IL17D: variants seen among roughly 807,000 people sequenced by gnomAD.
IL17D encodes the protein interleukin 17D.
A neutral mutation model predicts 5.7 loss-of-function variants in IL17D; 10 were observed. That is an observed-to-expected ratio of 1.75 (90% CI 1.08 to 2.97). The LOEUF (loss-of-function observed/expected upper bound fraction) is 2.97, where lower values mean the gene tolerates loss of function less well. Among genes scored for constraint, IL17D ranks in the 30% most tolerant of loss-of-function variants. The pLI is 0.00. For synonymous variants in IL17D, 172 were observed against 141.7 expected (o/e 1.21, Z -1.52); for missense variants, 354 against 292.7 (o/e 1.21, Z -1.53).
intron 1 of IL17D, among the ~76,000 whole-genome samples, chr13:20,719,091 GCT>G (rs1222265293): frequency 7.8e-6 from 1 of 128,482 alleles, no homozygotes; most frequent in Non-Finnish European, 1.6e-5. Flanking sequence ...AACTACCCAT[GCT>G]CACACCTGCC....
chr13:20,706,517 C>T (rs750337556), intron 1 of IL17D, among the ~76,000 whole-genome samples: 19 of 152,226 alleles, frequency 1.2e-4, no homozygotes, highest in Non-Finnish European at 2.9e-5. Context: ...ATGTTTCTGG[C>T]TTGGGTTGTT....
chr13:20,720,219 C>CGGAGACTA (rs1445116824), intron 1 of IL17D, among the ~76,000 whole-genome samples: 1 of 152,182 alleles, frequency 6.6e-6, no homozygotes, highest in Non-Finnish European at 1.5e-5. Flanking sequence ...TTTGTTCTCC[C>CGGAGACTA]TCCATGTGCC....
intron 1 of IL17D, among the ~76,000 whole-genome samples, chr13:20,720,400 T>G (rs2058721887): frequency 6.6e-6 from 1 of 152,218 alleles, no homozygotes; most frequent in African/African-American, 2.4e-5. Context: ...TTCCTAGTGG[T>G]GACTGTCCCT....
chr13:20,701,697 A>G (rs551329718), upstream of IL17D: 1 of 152,254 alleles, frequency 6.6e-6, no homozygotes, highest in South Asian at 2.1e-4. Flanking sequence ...CTTAGGTTTG[A>G]ACTTACTAAC....
intron 1 of IL17D, among the ~76,000 whole-genome samples, chr13:20,720,390 TTCCTAGTGGTGACTG>T: frequency 6.6e-6 from 1 of 152,342 alleles, no homozygotes; most frequent in Middle Eastern, 3.4e-3. Context: ...CTCGTTGTAC[TTCCTAGTGGTGACTG>T]TCCCTTGACC....
In IL17D at chr13:20,721,555, C is replaced by G. The variant is rs1292072720; in HGVS notation, c.291-81C>G. The G allele has an allele frequency of 3.2e-6, 4 of 1,248,482 alleles. No homozygotes were observed. In the Admixed American group the frequency reaches 1.0e-4, roughly 31 times the overall value. The allele number at this position is 1,248,482 out of a possible 1,614,324, so 77.3% of individuals were successfully genotyped here. On this transcript the variant is annotated intron_variant, in intron 1 of 1. Transcript: ENST00000682841. ...GACAGGACAGTCCCCGAGGCCCTCCCCGGTGACTCTAACCAGGGATTTCAG... is the reference window on the plus strand; with the variant it reads ...GACAGGACAGTCCCCGAGGCCCTCCGCGGTGACTCTAACCAGGGATTTCAG...
rs890899423 is a variant in IL17D at position 20,716,437 on chromosome 13, C to T, written c.291-5199C>T. Among the ~76,000 whole-genome samples the T allele has an allele frequency of 1.3e-5, 2 of 152,190 alleles. No homozygotes were observed. The highest frequency in any genetic ancestry group is 2.4e-5 in the African/African-American group (1 of 41,448). On this transcript the variant is annotated intron_variant, in intron 1 of 1. Transcript: ENST00000682841. The surrounding 1 kb of genome is among the most constrained non-coding windows in gnomAD (Gnocchi z 4.2). ...TTGGAATTTTCCAAGACCTTAGAGA[C>T]TCAATGTATTGCCAGTGTCTTTTCT...
At chr13:20,718,950 C>A (rs1270075652) in intron 1 of IL17D, among the ~76,000 whole-genome samples, 1 of 143,072 alleles carries the variant, frequency 7.0e-6, no homozygotes, top group Non-Finnish European at 1.5e-5. Context: ...TCACACCTGC[C>A]TCCACACACC....
At chr13:20,707,666 G>A (rs2058601247) in intron 1 of IL17D, among the ~76,000 whole-genome samples, 1 of 152,114 alleles carries the variant, frequency 6.6e-6, no homozygotes, top group Non-Finnish European at 1.5e-5. Flanking sequence ...GACCACAGGT[G>A]CGCACCACCA....
intron 1 of IL17D, among the ~76,000 whole-genome samples, chr13:20,718,487 C>T (rs1301382338): frequency 1.4e-5 from 2 of 142,728 alleles, no homozygotes; most frequent in African/African-American, 5.2e-5. Context: ...CTCACACCTG[C>T]CCCCACACAC....
chr13:20,713,898 T>G (rs937468281), intron 1 of IL17D: 5 of 152,370 alleles, frequency 3.3e-5, no homozygotes, highest in African/African-American at 1.2e-4. Flanking sequence ...GTGATAGTGA[T>G]TATTCCTCAT....
chr13:20,719,462 C>T (rs1023819772), intron 1 of IL17D, among the ~76,000 whole-genome samples: 2 of 150,256 alleles, frequency 1.3e-5, no homozygotes, highest in Non-Finnish European at 3.0e-5. Context: ...TCACACACAC[C>T]TGCCCACACA....
chr13:20,718,264 C>G (rs903990054), intron 1 of IL17D, among the ~76,000 whole-genome samples: 24 of 152,160 alleles, frequency 1.6e-4, no homozygotes, highest in African/African-American at 5.8e-4. Flanking sequence ...CTCCAGGGCT[C>G]CTGTGCACCT....
At chr13:20,705,336 G>A (rs41362544) in intron 1 of IL17D, among the ~76,000 whole-genome samples, 3,683 of 151,452 alleles carry the variant, frequency 0.024, 164 homozygotes, top group African/African-American at 0.084. Context: ...GGGGGGCGTA[G>A]GCGAGGTGTT....
At chr13:20,704,714 G>T (rs935591330) in intron 1 of IL17D, among the ~76,000 whole-genome samples, 4 of 151,994 alleles carry the variant, frequency 2.6e-5, no homozygotes, top group African/African-American at 4.8e-5. Flanking sequence ...GGATGGGTCC[G>T]CAAGGCACTA....
chr13:20,721,366 G>A (rs561534344), intron 1 of IL17D, among the ~76,000 whole-genome samples: 1 of 152,250 alleles, frequency 6.6e-6, no homozygotes, highest in African/African-American at 2.4e-5. Flanking sequence ...ACCCGTGCAG[G>A]CGGCATAGAT....
chr13:20,708,979 GAAA>G (rs2058613187), intron 1 of IL17D, among the ~76,000 whole-genome samples: 1 of 90,708 alleles, frequency 1.1e-5, no homozygotes, highest in Non-Finnish European at 2.7e-5. Flanking sequence ...AAAAAAAAAA[GAAA>G]GAAAGAAAAG....
At chr13:20,705,196 C>G (rs1182109625) in intron 1 of IL17D, among the ~76,000 whole-genome samples, 1 of 151,890 alleles carries the variant, frequency 6.6e-6, no homozygotes, top group Non-Finnish European at 1.5e-5. Flanking sequence ...CGTGAAAGAG[C>G]TGAGTCTTGA....
Position 20,721,986 on chromosome 13 carries a change from C to T in IL17D, c.*32C>T. 2 of 1,521,040 alleles carry T rather than the reference C, an allele frequency of 1.3e-6. No individual in the cohort carries two copies. Among genetic ancestry groups the T allele is most frequent in the Non-Finnish European group, 1.8e-6 (2 of 1,140,040 alleles). 94.2% of individuals were successfully genotyped at this position (1,521,040 alleles called of 1,614,324 possible). ...TCCTGCCCCGGGAGGTCTCCCCGGC[C>T]CGCATCCCGAGGCGCCCAAGCTGGA... On this transcript the variant is annotated 3_prime_UTR_variant, in exon 2 of 2. Transcript: ENST00000682841.
Sources: allele counts gnomAD v4.1 joint callset (sites outside exome capture counted in the v4.1 genomes callset), GRCh38; gene constraint gnomAD v4.1.1; non-coding constraint Gnocchi (gnomAD v3.1); transcripts MANE v1.5; gene names NCBI Gene and HGNC (gene_info 2026-07-23, HGNC 2026-07-21).